Variants in NENF observed in about 807,000 individuals in gnomAD.
NENF encodes the protein neudesin neurotrophic factor, also known as neudesin.
In NENF, 6 loss-of-function variants were observed where a neutral mutation model predicts 14.8. The ratio of observed to expected loss-of-function variants is 0.40; its 90% confidence interval spans 0.22 to 0.80. NENF has a LOEUF of 0.80. NENF is among the 30% of genes least tolerant of loss of function. The probability of loss-of-function intolerance (pLI) is 0.34; values close to 1 mark genes in which losing one functional copy is unlikely to be tolerated. For synonymous variants in NENF, 76 were observed against 95.1 expected, an observed-to-expected ratio of 0.80 and a Z score of 1.17; for missense variants, 184 against 212.7, an observed-to-expected ratio of 0.87 and a Z score of 0.84.
intron 1 of NENF, chr1:212,434,723 G>A (rs1165102481): frequency 2.0e-5 from 3 of 152,220 alleles, no homozygotes; most frequent in Non-Finnish European, 4.4e-5. Flanking sequence ...CAACTGACCC[G>A]ATGATCTTTG....
intron 1 of NENF, among the ~76,000 whole-genome samples, chr1:212,436,882 T>A (rs984822619): frequency 8.0e-5 from 12 of 149,602 alleles, no homozygotes; most frequent in Non-Finnish European, 1.8e-4. Flanking sequence ...AAGCCAGGAG[T>A]TTGAGACCAG....
rs912233506 is a variant in NENF at position 212,433,373 on chromosome 1, C to G, written c.177+253C>G. ...CACCCTGAACTTCTCCCTCGGTCCC[C>G]GGGAGATTTCCCCTCTAGCCGCCTT... On this transcript the variant is annotated intron_variant, in intron 1 of 3. Coordinates refer to ENST00000366988, the MANE Select transcript of NENF (RefSeq NM_013349.5). This position sits in a 1 kb window ranked among gnomAD's most constrained non-coding sequence, Gnocchi z 5.5. Among the ~76,000 whole-genome samples, 26 of 152,098 alleles carry G rather than the reference C, an allele frequency of 1.7e-4. No homozygotes were observed. The highest frequency in any genetic ancestry group is 2.6e-4 in the Non-Finnish European group (18 of 68,002).
At chr1:212,440,251 C>T (rs953990835) in intron 1 of NENF, among the ~76,000 whole-genome samples, 1 of 87,048 alleles carries the variant, frequency 1.1e-5, no homozygotes, top group African/African-American at 4.6e-5. Context: ...GACTCTGTCT[C>T]AAAAAAAAAA....
At chr1:212,442,882 C>T (rs543670953) in intron 2 of NENF, among the ~76,000 whole-genome samples, 1 of 152,218 alleles carries the variant, frequency 6.6e-6, no homozygotes, top group South Asian at 2.1e-4. Context: ...GCTGGGATTA[C>T]AGGCACCACC....
At chr1:212,441,568 T>C (rs543641547) in intron 1 of NENF, among the ~76,000 whole-genome samples, 4 of 152,210 alleles carry the variant, frequency 2.6e-5, no homozygotes, top group Admixed American at 6.5e-5. Flanking sequence ...GTGGATCACC[T>C]GAGGTCAGGA....
In NENF at chr1:212,441,620, AC is replaced by A. The variant is rs370695871; in HGVS notation, c.178-944del. Among the ~76,000 whole-genome samples, 18 of 152,268 alleles carry A rather than the reference AC, an allele frequency of 1.2e-4. No homozygotes were observed. In the South Asian group the frequency reaches 3.7e-3, roughly 32 times the overall value. ...GCCAACATGATGAAACCCCATCTCT[AC>A]TAAAAAGACAAAAAATTAGCGGGGC... is the stretch of plus-strand genomic sequence containing the variant. On this transcript the variant is annotated intron_variant, in intron 1 of 3. Coordinates refer to ENST00000366988, the MANE Select transcript of NENF (RefSeq NM_013349.5).
chr1:212,441,985 T>G (rs1178463402), intron 1 of NENF, among the ~76,000 whole-genome samples: 3 of 152,240 alleles, frequency 2.0e-5, no homozygotes, highest in Admixed American at 6.5e-5. Flanking sequence ...TCTTTTGAAT[T>G]TTCATCTCCA....
chr1:212,445,635 T>A (rs571848356), intron 3 of NENF, among the ~76,000 whole-genome samples, 195 bp from the exon 4 acceptor site: 1 of 152,134 alleles, frequency 6.6e-6, no homozygotes, highest in East Asian at 1.9e-4. Context: ...TTGCTCCCCG[T>A]ATGTTATACC....
At chr1:212,437,229 T>C (rs1026484507) in intron 1 of NENF, among the ~76,000 whole-genome samples, 2 of 152,202 alleles carry the variant, frequency 1.3e-5, no homozygotes, top group African/African-American at 4.8e-5. Flanking sequence ...AATCACTTGA[T>C]GACAGAACCT....
intron 1 of NENF, among the ~76,000 whole-genome samples, chr1:212,442,004 CTTCTGTT>C (rs1662705761): frequency 6.6e-6 from 1 of 152,178 alleles, no homozygotes; most frequent in Non-Finnish European, 1.5e-5. Flanking sequence ...CATGAAGTTG[CTTCTGTT>C]CCTGATTTTC....
Position 212,433,774 on chromosome 1 carries a change from A to G in NENF, c.177+654A>G, listed in dbSNP as rs186321452. Among the ~76,000 whole-genome samples the G allele has an allele frequency of 1.1e-3, 162 of 152,100 alleles. No homozygotes were observed. The highest frequency in any genetic ancestry group is 3.4e-3 in the African/African-American group (140 of 41,522). On this transcript the variant is annotated intron_variant, in intron 1 of 3. Coordinates refer to ENST00000366988, the MANE Select transcript of NENF (RefSeq NM_013349.5). This position sits in a 1 kb window ranked among gnomAD's most constrained non-coding sequence, Gnocchi z 5.5. Reference sequence around the variant, plus strand: ...CGCCCACACACACCCACACACGTCAATAGTCTAGAGGCGTCCAGAAAACTC... The same window carrying G: ...CGCCCACACACACCCACACACGTCAGTAGTCTAGAGGCGTCCAGAAAACTC...
At chr1:212,444,561 G>GTC in intron 3 of NENF, 119 bp downstream of exon 3, 1 of 414,590 alleles carries the variant, frequency 2.4e-6, no homozygotes, top group Non-Finnish European at 3.6e-6. Flanking sequence ...GTGTGTGTGT[G>GTC]TGTGTGTATC....
At chr1:212,437,696 C>T (rs1571701366) in intron 1 of NENF, among the ~76,000 whole-genome samples, 1 of 152,246 alleles carries the variant, frequency 6.6e-6, no homozygotes, top group African/African-American at 2.4e-5. Context: ...TCCTGGCTGT[C>T]AGTGTCTTTC....
Position 212,439,168 on chromosome 1 carries a change from A to C in NENF, c.178-3397A>C, listed in dbSNP as rs144776698. 3.5e-3 allele frequency among the ~76,000 whole-genome samples: 534 copies of C among 152,192 alleles called. 1 individual carries two copies. Among genetic ancestry groups the C allele is most frequent in the African/African-American group, 0.012 (513 of 41,518 alleles). ...GCTAAACATTCTTTTCTTCCCCTAT[A>C]ATATGACTTCCTCTTCGCACTTACA... On this transcript the variant is annotated intron_variant, in intron 1 of 3. Coordinates refer to ENST00000366988, the MANE Select transcript of NENF (RefSeq NM_013349.5).
At chr1:212,442,898 C>A (rs759701577) in intron 2 of NENF, among the ~76,000 whole-genome samples, 1 of 151,944 alleles carries the variant, frequency 6.6e-6, no homozygotes, top group African/African-American at 2.4e-5. Flanking sequence ...CCACCACCAC[C>A]GCTGGCTAAT....
chr1:212,434,659 G>C (rs908776489), intron 1 of NENF: 2 of 152,192 alleles, frequency 1.3e-5, no homozygotes, highest in Non-Finnish European at 2.9e-5. Context: ...TTCCTTCCCA[G>C]CTGTGAGTAG....
rs769018067 is a variant in NENF, at chr1:212,442,601, G to C, written c.214G>C (p.Val72Leu). Reference sequence around the variant, plus strand: ...CATCTACTTGGCAGTGAAGGGAGTGGTGTTTGATGTCACCTCCGGAAAGGG... The same window carrying C: ...CATCTACTTGGCAGTGAAGGGAGTGCTGTTTGATGTCACCTCCGGAAAGGG... ...QPIYLAVKGV[V>L]FDVTSGKEFY... The change falls in exon 2 of 4, where the codon GTG (valine) becomes CTG (leucine). Residue 72 changes from valine to leucine, a missense_variant. By Grantham distance (32) the Val-to-Leu change is conservative. Transcript: ENST00000366988. 1 of 1,613,640 alleles carries C rather than the reference G, an allele frequency of 6.2e-7. No individual in the cohort carries two copies. Among genetic ancestry groups the C allele is most frequent in the African/African-American group, 1.3e-5 (1 of 74,904 alleles).
At position 212,433,102 on chromosome 1, in the gene NENF, C is replaced by T. The variant is rs946827678; in HGVS notation, c.159C>T (p.Ala53=). The part of the protein sequence containing the change: ...PVRLFTEEEL[A]RYGGEEEDQP... ...GGCTTTTCACCGAGGAGGAGCTGGC[C>T]CGCTATGGCGGGGAGGAGGTAGGCG... is the stretch of plus-strand genomic sequence containing the variant. Residue 53 remains alanine (A), a synonymous_variant, in exon 1 of 4, where the codon GCC becomes GCT. Coordinates refer to ENST00000366988, the MANE Select transcript of NENF (RefSeq NM_013349.5). This position sits in a 1 kb window ranked among gnomAD's most constrained non-coding sequence, Gnocchi z 5.5. The T allele has an allele frequency of 1.7e-5, 20 of 1,197,018 alleles. No individual in the cohort carries two copies. Among genetic ancestry groups the T allele is most frequent in the Non-Finnish European group, 2.0e-5 (19 of 965,140 alleles). 74.1% of individuals were successfully genotyped at this position (1,197,018 alleles called of 1,614,324 possible).
chr1:212,442,038 G>T (rs1261548409), intron 1 of NENF, among the ~76,000 whole-genome samples: 3 of 152,126 alleles, frequency 2.0e-5, no homozygotes, highest in Admixed American at 2.0e-4. Context: ...TTGAGACGGA[G>T]TCTCACTGTG....
Sources: allele counts gnomAD v4.1 joint callset (sites outside exome capture counted in the v4.1 genomes callset), GRCh38; gene constraint gnomAD v4.1.1; non-coding constraint Gnocchi (gnomAD v3.1); transcripts MANE v1.5; gene names NCBI Gene and HGNC (gene_info 2026-07-23, HGNC 2026-07-21).